SYNE3: variants seen among roughly 807,000 people sequenced by gnomAD.
SYNE3 encodes the protein nesprin-3.
A neutral mutation model predicts 111.2 loss-of-function variants in SYNE3; 100 were observed. That is an observed-to-expected ratio of 0.90 (90% CI 0.77 to 1.06). SYNE3 has a LOEUF of 1.06. Ranked by LOEUF, SYNE3 falls within the 50% of genes least tolerant of loss-of-function variation. The pLI is 0.00. For missense variants in SYNE3, 1,160 were observed against 1,240.3 expected, an observed-to-expected ratio of 0.94 and a Z score of 0.97; for synonymous variants, 547 against 533.9, an observed-to-expected ratio of 1.02 and a Z score of -0.34.
At chr14:95,475,653 C>A (rs757742851) in intron 2 of SYNE3, 25 bp downstream of exon 2, 16 of 1,484,416 alleles carry the variant, frequency 1.1e-5, no homozygotes, top group Non-Finnish European at 1.4e-5. Flanking sequence ...ACCACAGGGC[C>A]ATCTGAGGCC....
intron 9 of SYNE3, among the ~76,000 whole-genome samples, chr14:95,445,252 C>G (rs943075295): frequency 1.3e-5 from 2 of 152,142 alleles, no homozygotes; most frequent in African/African-American, 4.8e-5. Context: ...TGGCTGTACC[C>G]CATATGGACC....
intron 9 of SYNE3, 116 bp downstream of exon 9, chr14:95,445,793 C>T: frequency 8.7e-7 from 1 of 1,147,144 alleles, no homozygotes; most frequent in Non-Finnish European, 1.3e-6. Flanking sequence ...ACACCCAGGG[C>T]CACACAGTGG....
chr14:95,492,661 A>G (rs1372707731), intron 1 of SYNE3, among the ~76,000 whole-genome samples: 1 of 152,056 alleles, frequency 6.6e-6, no homozygotes, highest in African/African-American at 2.4e-5. Flanking sequence ...GTTCTGTTGG[A>G]GGTAGTAAGA....
chr14:95,434,734 C>T (rs555943453), intron 15 of SYNE3, among the ~76,000 whole-genome samples: 14 of 152,272 alleles, frequency 9.2e-5, no homozygotes, highest in East Asian at 3.9e-4. Context: ...CTCGGCTCAC[C>T]GCAACCTCTG....
In SYNE3 at chr14:95,410,643, C is replaced by G. The variant is rs1213018820; in HGVS notation, c.*7183G>C. ...AGTTGCAAAGCCTTGGCTCTGACAT[C>G]CATAACCTGAGGAGACGATGCCAGC... On this transcript the variant is annotated 3_prime_UTR_variant, in exon 18 of 18. Coordinates refer to ENST00000682763, the MANE Select transcript of SYNE3 (RefSeq NM_152592.6). 6.6e-6 allele frequency: 1 copy of G among 152,226 alleles called. No homozygotes were observed. Among genetic ancestry groups the G allele is most frequent in the African/African-American group, 2.4e-5 (1 of 41,466 alleles). 9.4% of individuals were successfully genotyped at this position (152,226 alleles called of 1,614,324 possible).
rs146245189 is a variant in SYNE3, at chr14:95,475,723, C to T, written c.99G>A (p.Thr33=). 4.1e-5 allele frequency: 66 copies of T among 1,604,920 alleles called. No individual in the cohort carries two copies. The African/African-American group carries it at 7.0e-4, about 17-fold the overall frequency. ...CCTCCAGGGCCGCGCGGGGTCCCTG[C>T]GTGTTGTCATTGACCTGCAGCTGGT... ...VQDQLQVNDN[T]QGPRAALEAR... The change falls in exon 2 of 18, where the codon ACG becomes ACA. Residue 33 remains threonine (T), a synonymous_variant. Transcript: ENST00000682763.
intron 2 of SYNE3, among the ~76,000 whole-genome samples, chr14:95,474,012 G>C (rs1002227142): frequency 1.3e-5 from 2 of 151,170 alleles, no homozygotes; most frequent in African/African-American, 4.9e-5. Flanking sequence ...AGGTATGACA[G>C]TGGCTGGAAC....
intron 6 of SYNE3, among the ~76,000 whole-genome samples, chr14:95,453,189 C>G (rs536630784): frequency 6.6e-6 from 1 of 152,178 alleles, no homozygotes; most frequent in African/African-American, 2.4e-5. Flanking sequence ...GCCACTCTCA[C>G]CAACCACGTG....
chr14:95,430,747 C>T (rs1465499398), intron 17 of SYNE3, among the ~76,000 whole-genome samples: 2 of 151,504 alleles, frequency 1.3e-5, no homozygotes, highest in East Asian at 3.9e-4. Context: ...TTGCTTGAAC[C>T]TGGGAGGCAG....
rs184483157 is a variant in SYNE3, at chr14:95,434,699, C to G, written c.2539-1290G>C. On this transcript the variant is annotated intron_variant, in intron 15 of 17. Transcript: ENST00000682763. ...TGAGACAGAGTTTCGCTCTTGTTGC[C>G]CAGGCTGGAGTGCAATGGCGCGATC... Among the ~76,000 whole-genome samples the G allele has an allele frequency of 3.1e-3, 466 of 152,274 alleles. 1 individual carries two copies. Among genetic ancestry groups the G allele is most frequent in the African/African-American group, 0.011 (440 of 41,552 alleles).
rs145156128 is a variant in SYNE3 at position 95,512,430 on chromosome 14, T to G, written c.-15+4166A>C. Among the ~76,000 whole-genome samples, 423 of 152,332 alleles carry G rather than the reference T, an allele frequency of 2.8e-3. 12 individuals are homozygous for G. The East Asian group carries it at 0.07, about 25-fold the overall frequency. On this transcript the variant is annotated intron_variant, in intron 1 of 17. Transcript: ENST00000682763. Reference sequence around the variant, plus strand: ...TTAGCCAGGCATGGTGGCACATGCCTGTAATCCCAGCTACTCAGGAGGCTG... The same window carrying G: ...TTAGCCAGGCATGGTGGCACATGCCGGTAATCCCAGCTACTCAGGAGGCTG...
chr14:95,429,631 C>T (rs183267112), intron 17 of SYNE3, among the ~76,000 whole-genome samples: 1 of 152,324 alleles, frequency 6.6e-6, no homozygotes, highest in Non-Finnish European at 1.5e-5. Context: ...CAAAAGGCAG[C>T]AAGCACCAAA....
intron 16 of SYNE3, 107 bp from the exon 17 acceptor site, chr14:95,432,224 G>A: frequency 7.3e-7 from 1 of 1,363,506 alleles, no homozygotes; most frequent in African/African-American, 1.4e-5. Flanking sequence ...TGTCAGGGGA[G>A]TGTTTCTTTA....
intron 1 of SYNE3, among the ~76,000 whole-genome samples, chr14:95,512,041 C>G (rs1216925162): frequency 3.3e-5 from 5 of 152,154 alleles, no homozygotes; most frequent in Non-Finnish European, 7.3e-5. Flanking sequence ...ATCATTAGGC[C>G]AGGACCTTTA....
chr14:95,452,204 C>T, intron 7 of SYNE3, 43 bp downstream of exon 7: 1 of 1,497,550 alleles, frequency 6.7e-7, no homozygotes, highest in South Asian at 1.3e-5. Flanking sequence ...AATGTGGGTT[C>T]CAGCACACCC....
At chr14:95,473,755 T>C (rs1333063751) in intron 2 of SYNE3, among the ~76,000 whole-genome samples, 1 of 149,814 alleles carries the variant, frequency 6.7e-6, no homozygotes, top group East Asian at 2.0e-4. Context: ...TTGCGAGGTG[T>C]GACAGTGGCT....
At chr14:95,494,875 G>A (rs1276154651) in intron 1 of SYNE3, among the ~76,000 whole-genome samples, 2 of 152,130 alleles carry the variant, frequency 1.3e-5, no homozygotes. Context: ...CACTTTGGGA[G>A]GCTGAGGTGT....
At position 95,408,805 on chromosome 14, in the gene SYNE3, C is replaced by G. The variant is rs1903353394; in HGVS notation, c.*9021G>C. The G allele has an allele frequency of 4.2e-6, 1 of 236,226 alleles. No homozygotes were observed. The highest frequency in any genetic ancestry group is 2.2e-5 in the African/African-American group (1 of 44,588). The allele number at this position is 236,226 out of a possible 1,614,324, so 14.6% of individuals were successfully genotyped here. ...CACAAGCGACTGCCTCCTTGTTTCT[C>G]CCATGAGAGGAATTGGAACTGCTCA... On this transcript the variant is annotated 3_prime_UTR_variant, in exon 18 of 18. Coordinates refer to ENST00000682763, the MANE Select transcript of SYNE3 (RefSeq NM_152592.6).
chr14:95,418,113 C>T (rs1007025031), intron 17 of SYNE3, 87 bp from the exon 18 acceptor site: 67 of 1,400,054 alleles, frequency 4.8e-5, no homozygotes, highest in African/African-American at 1.4e-4. Context: ...ATGCCAGGAG[C>T]GGTGGTAGCA....
Sources: allele counts gnomAD v4.1 joint callset (sites outside exome capture counted in the v4.1 genomes callset), GRCh38; gene constraint gnomAD v4.1.1; transcripts MANE v1.5; gene names NCBI Gene and HGNC (gene_info 2026-07-23, HGNC 2026-07-21).